Variants in PI4K2B observed in about 807,000 individuals in gnomAD.
PI4K2B encodes the protein phosphatidylinositol 4-kinase type 2-beta.
In PI4K2B, 46 loss-of-function variants were observed where a neutral mutation model predicts 56.6. The observed-to-expected ratio is 0.81, with a 90% confidence interval of 0.64 to 1.04. The LOEUF (loss-of-function observed/expected upper bound fraction) is 1.04, where lower values mean the gene tolerates loss of function less well. Ranked by LOEUF, PI4K2B falls within the 50% of genes least tolerant of loss-of-function variation. PI4K2B has a pLI of 0.00. For synonymous variants in PI4K2B, 211 were observed against 223.8 expected (o/e 0.94, Z 0.51); for missense variants, 556 against 607.7 (o/e 0.91, Z 0.89).
At chr4:25,234,583 G>A in intron 1 of PI4K2B, 152 bp downstream of exon 1, 2 of 498,314 alleles carry the variant, frequency 4.0e-6, no homozygotes, top group Non-Finnish European at 3.1e-6. Context: ...GGCGCCAGCC[G>A]CAGCCGCACC....
chr4:25,256,685 C>G lies in PI4K2B; in HGVS notation c.756+11C>G, dbSNP rs1384442550. The G allele has an allele frequency of 1.9e-6, 3 of 1,611,586 alleles. No individual in the cohort carries two copies. The South Asian group carries it at 3.3e-5, about 18-fold the overall frequency. On this transcript the variant is annotated intron_variant, in intron 4 of 9. Transcript: ENST00000264864. ...GGACTCCCTCCTAAGGTAAGTTTCT[C>G]TGATAAGCTGTATTTAGAGGGCATT...
At chr4:25,272,691 A>G (rs921162568) in intron 9 of PI4K2B, among the ~76,000 whole-genome samples, 7 of 152,134 alleles carry the variant, frequency 4.6e-5, no homozygotes, top group Middle Eastern at 3.4e-3. Context: ...AGAAGAAGGG[A>G]AAAAAAGATC....
intron 6 of PI4K2B, among the ~76,000 whole-genome samples, chr4:25,261,848 C>G (rs1413079879): frequency 6.6e-6 from 1 of 152,170 alleles, no homozygotes; most frequent in East Asian, 1.9e-4. Flanking sequence ...TCACATATGT[C>G]AAGGCTCATC....
intron 7 of PI4K2B, among the ~76,000 whole-genome samples, chr4:25,264,893 T>A (rs540006361): frequency 6.6e-6 from 1 of 150,554 alleles, no homozygotes; most frequent in Non-Finnish European, 1.5e-5. Context: ...ATAAAAAATA[T>A]ATAGTATGTT....
chr4:25,259,056 T>C lies in PI4K2B; in HGVS notation c.776T>C (p.Phe259Ser). Reference protein sequence around the residue: ...LPPKIGSFQLFVEGYKEAEYW... With the variant: ...LPPKIGSFQLSVEGYKEAEYW... ...TTATAGATTGGTTCCTTTCAGTTAT[T>C]TGTTGAAGGTTACAAGGAGGCTGAA... The change falls in exon 5 of 10, where the codon TTT becomes TCT. Residue 259 changes from phenylalanine (F) to serine (S), a missense_variant. Phe to Ser is a radical substitution (Grantham distance 155). Transcript: ENST00000264864. 6.4e-7 allele frequency: 1 copy of C among 1,569,874 alleles called. No homozygotes were observed. Among genetic ancestry groups the C allele is most frequent in the Non-Finnish European group, 8.7e-7 (1 of 1,147,664 alleles).
rs534939739 is a variant in PI4K2B at position 25,239,425 on chromosome 4, G to A, written c.268+4994G>A. ...TAAGGCCCAGTGAGAAAGCGAGCAC[G>A]GTGCCGGCCCAGGGGGACCCAGCAG... On this transcript the variant is annotated intron_variant, in intron 1 of 9. Coordinates refer to ENST00000264864, the MANE Select transcript of PI4K2B (RefSeq NM_018323.4). Among the ~76,000 whole-genome samples the A allele has an allele frequency of 5.0e-5, 6 of 120,352 alleles. 1 individual carries two copies. In the East Asian group the frequency reaches 6.1e-4, roughly 12 times the overall value. The allele number at this position is 120,352 out of a possible 152,430, so 79.0% of individuals were successfully genotyped here.
rs369679928 is a variant in PI4K2B at position 25,253,956 on chromosome 4, G to A, written c.424-1109G>A. Among the ~76,000 whole-genome samples the A allele has an allele frequency of 4.3e-4, 65 of 152,254 alleles. 2 individuals carry two copies. In the South Asian group the frequency reaches 0.013, roughly 31 times the overall value. ...CGAGCTAATTGTTGTATTTTGAGTA[G>A]AGACGGGATTTCCCCATGTTGACCA... On this transcript the variant is annotated intron_variant, in intron 2 of 9. Coordinates refer to ENST00000264864, the MANE Select transcript of PI4K2B (RefSeq NM_018323.4).
chr4:25,264,918 G>A (rs904652336), intron 7 of PI4K2B, among the ~76,000 whole-genome samples: 1 of 150,966 alleles, frequency 6.6e-6, no homozygotes. Flanking sequence ...AAATCTGGCT[G>A]GGTGCAGTGG....
intron 1 of PI4K2B, among the ~76,000 whole-genome samples, chr4:25,241,884 C>T (rs1298447260): frequency 6.6e-6 from 1 of 152,150 alleles, no homozygotes; most frequent in East Asian, 1.9e-4. Flanking sequence ...GTACTAGGGC[C>T]TGCTTTAAGG....
In PI4K2B at chr4:25,248,405, C is replaced by G. The variant is rs62411606; in HGVS notation, c.269-3916C>G. Among the ~76,000 whole-genome samples, 1,074 of 152,130 alleles carry G rather than the reference C, an allele frequency of 7.1e-3. 6 individuals are homozygous for G. The highest frequency in any genetic ancestry group is 8.4e-3 in the Non-Finnish European group (573 of 68,004). Reference sequence around the variant, plus strand: ...AATAAGTTCTCGTTTTGGAGTTTCTCTTGTCTTGGAGTTTCCTGGTTTCTT... The same window carrying G: ...AATAAGTTCTCGTTTTGGAGTTTCTGTTGTCTTGGAGTTTCCTGGTTTCTT... On this transcript the variant is annotated intron_variant, in intron 1 of 9. Transcript: ENST00000264864.
In PI4K2B at chr4:25,238,509, G is replaced by A. The variant is rs117136300; in HGVS notation, c.268+4078G>A. Among the ~76,000 whole-genome samples, 192 of 152,312 alleles carry A rather than the reference G, an allele frequency of 1.3e-3. 4 individuals carry two copies. In the East Asian group the frequency reaches 0.035, roughly 28 times the overall value. On this transcript the variant is annotated intron_variant, in intron 1 of 9. Coordinates refer to ENST00000264864, the MANE Select transcript of PI4K2B (RefSeq NM_018323.4). ...ATGGACCCTCGCGGTTAGTGTTACA[G>A]TTCTTAAAGGCGGTGTGTTCGGAGT... is the stretch of plus-strand genomic sequence containing the variant.
intron 6 of PI4K2B, among the ~76,000 whole-genome samples, chr4:25,261,163 T>C (rs1267836876): frequency 6.6e-6 from 1 of 152,232 alleles, no homozygotes; most frequent in African/African-American, 2.4e-5. Context: ...CTGGGATTTT[T>C]GTTCACCATG....
At chr4:25,258,947 CAT>C (rs1716354905) in intron 4 of PI4K2B, 88 bp from the exon 5 acceptor site, 5 of 598,280 alleles carry the variant, frequency 8.4e-6, no homozygotes, top group Admixed American at 6.8e-5. Context: ...GTTTACATGA[CAT>C]ATTTTTTGAC....
intron 1 of PI4K2B, among the ~76,000 whole-genome samples, chr4:25,251,168 G>T (rs1327513663): frequency 2.6e-5 from 4 of 152,196 alleles, no homozygotes; most frequent in Non-Finnish European, 4.4e-5. Flanking sequence ...GAGAGAAGAG[G>T]ACTGTGAATG....
chr4:25,267,936 T>A, intron 7 of PI4K2B: 3 of 877,890 alleles, frequency 3.4e-6, no homozygotes, highest in Non-Finnish European at 4.1e-6. Context: ...GTATTCAATC[T>A]GTGCCCGGGT....
At chr4:25,264,360 G>A (rs1453208644) in intron 7 of PI4K2B, among the ~76,000 whole-genome samples, 2 of 152,012 alleles carry the variant, frequency 1.3e-5, no homozygotes, top group African/African-American at 4.8e-5. Flanking sequence ...AAATTTATGA[G>A]TATAGCATTT....
intron 1 of PI4K2B, 70 bp downstream of exon 1, chr4:25,234,501 G>A: frequency 1.1e-5 from 12 of 1,104,378 alleles, no homozygotes; most frequent in Non-Finnish European, 1.4e-5. Context: ...GCTCGGTCCT[G>A]TCTCCCGCGC....
chr4:25,234,529 C>A, intron 1 of PI4K2B, 98 bp downstream of exon 1: 1 of 860,966 alleles, frequency 1.2e-6, no homozygotes. Context: ...CCGAGGTGGA[C>A]GGGCTTTCCC....
chr4:25,245,882 C>G (rs1453049892), intron 1 of PI4K2B, among the ~76,000 whole-genome samples: 1 of 152,048 alleles, frequency 6.6e-6, no homozygotes, highest in African/African-American at 2.4e-5. Flanking sequence ...CACTGCTTGG[C>G]AATAGGCGAT....
Sources: allele counts gnomAD v4.1 joint callset (sites outside exome capture counted in the v4.1 genomes callset), GRCh38; gene constraint gnomAD v4.1.1; transcripts MANE v1.5; gene names NCBI Gene and HGNC (gene_info 2026-07-23, HGNC 2026-07-21).